The following HERC2 variants were observed in gnomAD, a reference collection of about 807,000 sequenced individuals.
HERC2 encodes HECT and RLD domain containing E3 ubiquitin protein ligase 2.
In HERC2, 102 loss-of-function variants were observed where a neutral mutation model predicts 537.7. The ratio of observed to expected loss-of-function variants is 0.19; its 90% CI spans 0.16 to 0.22. The LOEUF is 0.22. Ranked by LOEUF, HERC2 falls within the 10% of genes least tolerant of loss-of-function variation. The pLI is 1.00. For missense variants in HERC2, 4,236 were observed against 6,198.2 expected, an observed-to-expected ratio of 0.68 and a Z score of 10.63; for synonymous variants, 2,224 against 2,466.2, an observed-to-expected ratio of 0.90 and a Z score of 2.91.
intron 55 of HERC2, 111 bp downstream of exon 55, chr15:28,190,854 C>T: frequency 1.4e-6 from 1 of 719,056 alleles, no homozygotes; most frequent in Non-Finnish European, 2.5e-6. Flanking sequence ...ACAGAAAGAA[C>T]CAATTATTTA....
chr15:28,192,873 C>A (rs1395522415), intron 52 of HERC2, among the ~76,000 whole-genome samples: 1 of 151,990 alleles, frequency 6.6e-6, no homozygotes, highest in Non-Finnish European at 1.5e-5. Context: ...ACACTTGGAA[C>A]CCCAACAGGA....
intron 4 of HERC2, among the ~76,000 whole-genome samples, chr15:28,288,718 C>T (rs1185821703): frequency 0.029 from 4,157 of 142,820 alleles, 51 homozygotes; most frequent in Admixed American, 0.045. Flanking sequence ...CACGGTGGTG[C>T]CTGCCTGTAA....
In HERC2 at chr15:28,149,992, G is replaced by A. The variant is rs138659705; in HGVS notation, c.10900+2685C>T. 4.4e-3 allele frequency among the ~76,000 whole-genome samples: 495 copies of A among 112,380 alleles called. 4 individuals are homozygous for A. Among genetic ancestry groups the A allele is most frequent in the African/African-American group, 0.013 (387 of 29,052 alleles). 73.7% of individuals were successfully genotyped at this position (112,380 alleles called of 152,430 possible). On this transcript the variant is annotated intron_variant, in intron 70 of 92. Coordinates refer to ENST00000261609, the MANE Select transcript of HERC2 (RefSeq NM_004667.6). ...CCTAACCGAGAACATCACCGAGAAC[G>A]GCCACACGAACACACATTCTAGTAA...
intron 38 of HERC2, among the ~76,000 whole-genome samples, chr15:28,218,110 A>G (rs1233966740): frequency 6.6e-6 from 1 of 151,098 alleles, no homozygotes. Context: ...ATGAGGTTGA[A>G]TGATGTCCTT....
chr15:28,239,080 T>C (rs1440720746), intron 23 of HERC2, among the ~76,000 whole-genome samples: 1 of 152,198 alleles, frequency 6.6e-6, no homozygotes, highest in African/African-American at 2.4e-5. Context: ...AAATTAGAAA[T>C]AGGTTTTCAA....
At chr15:28,209,554 AG>A (rs1410322980) in intron 44 of HERC2, among the ~76,000 whole-genome samples, 1 of 152,190 alleles carries the variant, frequency 6.6e-6, no homozygotes, top group Non-Finnish European at 1.5e-5. Context: ...CGTGTTAGCC[AG>A]GATGGTCTCG....
rs776258074 is a variant in HERC2, at chr15:28,191,262, A to C, written c.8452-18T>G. 3.2e-6 allele frequency: 5 copies of C among 1,549,890 alleles called. No individual in the cohort carries two copies. Among genetic ancestry groups the C allele is most frequent in the Admixed American group, 1.7e-5 (1 of 57,252 alleles). On this transcript the variant is annotated intron_variant, in intron 53 of 92. Coordinates refer to ENST00000261609, the MANE Select transcript of HERC2 (RefSeq NM_004667.6). ...ATCCAGTGCTTTAGAAAAACAAAAA[A>C]ACCACATTCTCAGTTAGCAAAATTC...
At chr15:28,153,332 G>A (rs1892649761) in intron 69 of HERC2, among the ~76,000 whole-genome samples, 1 of 152,130 alleles carries the variant, frequency 6.6e-6, no homozygotes, top group African/African-American at 2.4e-5. Flanking sequence ...CAGCCTGGGT[G>A]ACCCGAGCGA....
intron 57 of HERC2, 47 bp from the exon 58 acceptor site, chr15:28,179,270 C>T: frequency 1.4e-6 from 2 of 1,384,906 alleles, no homozygotes; most frequent in African/African-American, 1.5e-5. Context: ...GAAAATTTTA[C>T]TTGCATGTTT....
chr15:28,228,674 A>C (rs1004382594), intron 34 of HERC2, among the ~76,000 whole-genome samples: 13 of 152,240 alleles, frequency 8.5e-5, no homozygotes, highest in African/African-American at 3.1e-4. Flanking sequence ...AATTACTTTA[A>C]ACATCTAACT....
intron 33 of HERC2, 46 bp from the exon 34 acceptor site, chr15:28,229,392 T>TCTAA: frequency 6.2e-7 from 1 of 1,613,556 alleles, no homozygotes; most frequent in East Asian, 2.2e-5. Context: ...CTGCCAGACT[T>TCTAA]CTGTTACAGA....
chr15:28,188,566 T>TG (rs1896540039), intron 55 of HERC2, among the ~76,000 whole-genome samples: 1 of 149,362 alleles, frequency 6.7e-6, no homozygotes, highest in African/African-American at 2.5e-5. Context: ...AAAGAGTACT[T>TG]GTTAGAGGTG....
chr15:28,279,231 C>A (rs1037737302), intron 5 of HERC2, among the ~76,000 whole-genome samples: 2 of 151,898 alleles, frequency 1.3e-5, no homozygotes, highest in Admixed American at 1.3e-4. Context: ...TGAGGTGATC[C>A]GCCCACCTCA....
At position 28,141,503 on chromosome 15, in the gene HERC2, G is replaced by A. The variant is rs1225399889; in HGVS notation, c.11944C>T (p.Leu3982Phe). 1.2e-5 allele frequency: 19 copies of A among 1,614,034 alleles called. No individual in the cohort carries two copies. The highest frequency in any genetic ancestry group is 1.5e-5 in the Non-Finnish European group (18 of 1,180,026). ...KVKVPTPCEALATLRPVQLIG... is the reference protein window; with the variant it reads ...KVKVPTPCEAFATLRPVQLIG... ...AACTGCACGGGTCTGAGAGTTGCAAGGGCTTCACAGGGAGTGGGAACTTTG... is the reference window on the plus strand; with the variant it reads ...AACTGCACGGGTCTGAGAGTTGCAAAGGCTTCACAGGGAGTGGGAACTTTG... Residue 3982 changes from leucine to phenylalanine, a missense_variant, in exon 78 of 93, where the codon CTT becomes TTT. Leu to Phe is a conservative substitution (Grantham distance 22). Around this residue, in one of 27 missense-constraint regions of HERC2, gnomAD observed 156 missense variants for 172.3 expected, o/e 0.91. Transcript: ENST00000261609.
At chr15:28,230,929 A>G (rs999730648) in intron 30 of HERC2, among the ~76,000 whole-genome samples, 3 of 152,170 alleles carry the variant, frequency 2.0e-5, no homozygotes, top group African/African-American at 7.2e-5. Context: ...GTGCCAAAAT[A>G]ATATACTTCT....
intron 89 of HERC2, 177 bp downstream of exon 89, chr15:28,115,252 T>G: frequency 7.6e-6 from 4 of 529,500 alleles, no homozygotes; most frequent in South Asian, 2.7e-5. Context: ...CACCAGAAAA[T>G]AGATGGTCTA....
chr15:28,313,387 G>T (rs1175855495), intron 2 of HERC2, among the ~76,000 whole-genome samples: 2 of 152,150 alleles, frequency 1.3e-5, no homozygotes, highest in Non-Finnish European at 2.9e-5. Context: ...CACCGTGTTA[G>T]CCTGGATGGT....
At chr15:28,214,868 A>AT in intron 39 of HERC2, 66 bp from the exon 40 acceptor site, 3 of 1,329,048 alleles carry the variant, frequency 2.3e-6, no homozygotes, top group Non-Finnish European at 3.2e-6. Flanking sequence ...ACAGATTGTT[A>AT]TTTTTTTATT....
rs2525937 is a variant in HERC2, at chr15:28,196,484, T to C, written c.8097A>G (p.Val2699=). 8.7e-5 allele frequency: 140 copies of C among 1,612,368 alleles called. 1 individual carries two copies. The highest frequency in any genetic ancestry group is 8.5e-4 in the Admixed American group (51 of 59,994). ...ACGTAACCCCAGGATGAATACTGGG[T>C]ACCAACTCCATTTCTGATAGCAACC... ...WTGLLSEMEL[V]PSIHPGVTCD... The change falls in exon 51 of 93, where the codon GTA becomes GTG. Residue 2699 remains valine (V), a synonymous_variant. Coordinates refer to ENST00000261609, the MANE Select transcript of HERC2 (RefSeq NM_004667.6).
Sources: allele counts gnomAD v4.1 joint callset (sites outside exome capture counted in the v4.1 genomes callset), GRCh38; gene constraint gnomAD v4.1.1; regional missense constraint gnomAD v4.1.1; transcripts MANE v1.5; gene names NCBI Gene and HGNC (gene_info 2026-07-23, HGNC 2026-07-21).